Variants in ADGRL3 observed in about 807,000 individuals in gnomAD.
ADGRL3 encodes the protein adhesion G protein-coupled receptor L3.
A neutral mutation model predicts 153.5 loss-of-function variants in ADGRL3; 62 were observed. The ratio of observed to expected loss-of-function variants is 0.40; its 90% confidence interval spans 0.33 to 0.50. ADGRL3 has a LOEUF of 0.50. ADGRL3 is among the 20% of genes least tolerant of loss of function. ADGRL3 has a pLI of 0.47. For missense variants in ADGRL3, 1,641 were observed against 1,859.4 expected (o/e 0.88, Z 2.16); for synonymous variants, 710 against 672.5 (o/e 1.06, Z -0.86).
At chr4:61,974,960 T>C (rs765854931) in intron 17 of ADGRL3, among the ~76,000 whole-genome samples, 2 of 152,136 alleles carry the variant, frequency 1.3e-5, no homozygotes, top group Non-Finnish European at 2.9e-5. Context: ...TCAAAATCCA[T>C]TGTAGAAGAG....
intron 17 of ADGRL3, among the ~76,000 whole-genome samples, chr4:61,964,150 C>A (rs774007075): frequency 6.6e-6 from 1 of 152,092 alleles, no homozygotes; most frequent in Non-Finnish European, 1.5e-5. Context: ...TAAGTAATTC[C>A]TTTTTGTTCT....
intron 3 of ADGRL3, 27 bp from the exon 4 acceptor site, chr4:61,517,288 T>C: frequency 1.4e-6 from 1 of 701,512 alleles, no homozygotes; most frequent in Non-Finnish European, 2.6e-6. Context: ...AGCAGGGGTC[T>C]GATGGTGCGC....
At chr4:61,314,181 G>A (rs1257139431) in intron 1 of ADGRL3, among the ~76,000 whole-genome samples, 1 of 149,006 alleles carries the variant, frequency 6.7e-6, no homozygotes, top group African/African-American at 2.5e-5. Context: ...AGCTGACTTT[G>A]TTTTATCTGA....
chr4:61,213,826 C>T (rs1030425346), intron 1 of ADGRL3, among the ~76,000 whole-genome samples: 2 of 151,966 alleles, frequency 1.3e-5, no homozygotes, highest in African/African-American at 4.8e-5. Flanking sequence ...CATGAATATC[C>T]GAGTGCTGAA....
chr4:61,927,012 A>T (rs1431328094), intron 13 of ADGRL3, among the ~76,000 whole-genome samples: 1 of 152,124 alleles, frequency 6.6e-6, no homozygotes, highest in East Asian at 1.9e-4. Flanking sequence ...TACTTCATGG[A>T]GCTTTTCCAA....
intron 2 of ADGRL3, among the ~76,000 whole-genome samples, chr4:61,459,016 T>C (rs936139330): frequency 2.0e-5 from 3 of 151,522 alleles, no homozygotes; most frequent in Non-Finnish European, 3.0e-5. Context: ...TGAAGAGTTA[T>C]GTTGAATATT....
intron 13 of ADGRL3, among the ~76,000 whole-genome samples, chr4:61,920,735 C>T (rs2098764924): frequency 6.6e-6 from 1 of 152,094 alleles, no homozygotes; most frequent in Non-Finnish European, 1.5e-5. Context: ...TCATGTCATG[C>T]TAATCTTCTA....
intron 9 of ADGRL3, among the ~76,000 whole-genome samples, chr4:61,833,526 T>A (rs1016647126): frequency 1.3e-5 from 2 of 152,018 alleles, no homozygotes; most frequent in African/African-American, 4.8e-5. Context: ...GAGTCAAAGC[T>A]GTCTTCTCGG....
chr4:61,920,453 G>T (rs2098763539), intron 13 of ADGRL3, among the ~76,000 whole-genome samples: 1 of 152,104 alleles, frequency 6.6e-6, no homozygotes, highest in Non-Finnish European at 1.5e-5. Context: ...GATTTTTCAG[G>T]ACTGCTCCCA....
chr4:61,738,403 G>A (rs1263822314), intron 8 of ADGRL3, among the ~76,000 whole-genome samples: 2 of 152,158 alleles, frequency 1.3e-5, no homozygotes, highest in Non-Finnish European at 2.9e-5. Flanking sequence ...TACCTTTTGT[G>A]TGTAATGACC....
At chr4:61,416,191 T>G (rs2097142813) in intron 2 of ADGRL3, among the ~76,000 whole-genome samples, 1 of 152,230 alleles carries the variant, frequency 6.6e-6, no homozygotes, top group Non-Finnish European at 1.5e-5. Context: ...TGAAATTATT[T>G]CAGCATATTT....
chr4:61,566,744 AATAG>A (rs2098817880), intron 4 of ADGRL3, among the ~76,000 whole-genome samples: 1 of 152,122 alleles, frequency 6.6e-6, no homozygotes. Flanking sequence ...ATTTTTGAAT[AATAG>A]ATTTAGTATA....
At chr4:61,733,940 A>C (rs1440598617) in intron 8 of ADGRL3, among the ~76,000 whole-genome samples, 2 of 152,208 alleles carry the variant, frequency 1.3e-5, no homozygotes, top group African/African-American at 4.8e-5. Flanking sequence ...GGAACTTGTC[A>C]AAGGGTTAAC....
intron 4 of ADGRL3, among the ~76,000 whole-genome samples, chr4:61,569,770 T>A (rs533987149): frequency 6.6e-6 from 1 of 152,312 alleles, no homozygotes; most frequent in Non-Finnish European, 1.5e-5. Context: ...TCCTTTTTTT[T>A]AAATTTTAAT....
chr4:61,996,417 C>A, intron 20 of ADGRL3, 60 bp downstream of exon 20: 2 of 1,137,118 alleles, frequency 1.8e-6, no homozygotes, highest in Non-Finnish European at 1.3e-6. Context: ...TTCACTATCC[C>A]AGTACTGACT....
intron 3 of ADGRL3, among the ~76,000 whole-genome samples, chr4:61,516,142 A>C (rs1384201045): frequency 6.6e-6 from 1 of 152,004 alleles, no homozygotes; most frequent in East Asian, 1.9e-4. Context: ...TTTTTCCATA[A>C]AACTTGTATT....
rs1389987 is a variant in ADGRL3 at position 61,453,885 on chromosome 4, C to T, written c.-173-43236C>T. ...TTATAATAAGTAGTGGCACTAGGAA[C>T]AATATTATCTGAGAGTTGCCTAAGT... On this transcript the variant is annotated intron_variant, in intron 2 of 26. Coordinates refer to ENST00000683033, the MANE Select transcript of ADGRL3 (RefSeq NM_001387552.1). Among the ~76,000 whole-genome samples the T allele has an allele frequency of 4.1e-3, 618 of 151,996 alleles. 7 individuals carry two copies. The highest frequency in any genetic ancestry group is 0.013 in the African/African-American group (551 of 41,472).
At chr4:62,043,787 A>C (rs565343598) in intron 24 of ADGRL3, among the ~76,000 whole-genome samples, 2 of 152,194 alleles carry the variant, frequency 1.3e-5, no homozygotes, top group Admixed American at 1.3e-4. Context: ...AGAAATTTGA[A>C]TTTAAGAATG....
chr4:61,779,138 A>T (rs2097185523), intron 8 of ADGRL3, among the ~76,000 whole-genome samples: 1 of 152,176 alleles, frequency 6.6e-6, no homozygotes, highest in Non-Finnish European at 1.5e-5. Flanking sequence ...GAGTCAAATA[A>T]TTTTGTTTAG....
Sources: gnomAD v4.1 joint callset for allele counts (sites outside exome capture counted in the v4.1 genomes callset) on GRCh38, gnomAD v4.1.1 for gene constraint, MANE v1.5 for transcripts, NCBI Gene and HGNC (gene_info 2026-07-23, HGNC 2026-07-21) for gene names.